Variants in UGT3A1 observed in about 807,000 individuals in gnomAD.
UGT3A1 encodes UDP glycosyltransferase family 3 member A1.
A neutral mutation model predicts 37.6 loss-of-function variants in UGT3A1; 40 were observed. That is an observed-to-expected ratio of 1.06 (90% CI 0.83 to 1.38). The LOEUF (loss-of-function observed/expected upper bound fraction) is 1.38. Ranked by LOEUF, UGT3A1 falls within the 40% of genes most tolerant of loss-of-function variation. UGT3A1 has a pLI of 0.00. For missense variants in UGT3A1, 642 were observed against 634.2 expected (o/e 1.01, Z -0.13); for synonymous variants, 256 against 232.3 (o/e 1.10, Z -0.93).
intron 1 of UGT3A1, among the ~76,000 whole-genome samples, chr5:35,990,691 C>A (rs1740909448): frequency 6.6e-6 from 1 of 152,118 alleles, no homozygotes; most frequent in Non-Finnish European, 1.5e-5. Context: ...ACAACATTTG[C>A]AGTGCTGCCC....
At chr5:35,956,713 T>C (rs10078373) in intron 5 of UGT3A1, among the ~76,000 whole-genome samples, 86,996 of 152,108 alleles carry the variant, frequency 0.57, 25,455 homozygotes, top group African/African-American at 0.66. Flanking sequence ...TGTATGAGTC[T>C]TTCACATCCT....
chr5:35,954,746 G>T, intron 6 of UGT3A1: 1 of 499,966 alleles, frequency 2.0e-6, no homozygotes, highest in South Asian at 2.8e-5. Flanking sequence ...CTAAGAACTA[G>T]TCCATATCCC....
At chr5:35,974,484 A>G (rs1740181171) in intron 2 of UGT3A1, among the ~76,000 whole-genome samples, 1 of 152,192 alleles carries the variant, frequency 6.6e-6, no homozygotes, top group South Asian at 2.1e-4. Context: ...GAGATTTCAA[A>G]GACTAATGCC....
intron 5 of UGT3A1, among the ~76,000 whole-genome samples, chr5:35,956,251 GTGAAAGC>G (rs1739352947): frequency 6.6e-6 from 1 of 152,212 alleles, no homozygotes; most frequent in Non-Finnish European, 1.5e-5. Context: ...GAAGAATGCT[GTGAAAGC>G]AAGGAATAAT....
chr5:35,964,222 A>G (rs1466168262), intron 4 of UGT3A1, among the ~76,000 whole-genome samples: 1 of 152,054 alleles, frequency 6.6e-6, no homozygotes, highest in Non-Finnish European at 1.5e-5. Flanking sequence ...CTTCCTAACA[A>G]TTTCCACAAC....
At chr5:35,969,448 A>G (rs1169259211) in intron 2 of UGT3A1, among the ~76,000 whole-genome samples, 1 of 152,130 alleles carries the variant, frequency 6.6e-6, no homozygotes, top group East Asian at 1.9e-4. Flanking sequence ...AAAGAAACTT[A>G]CAAAGATGAG....
At chr5:35,989,260 T>C (rs951667716) in intron 1 of UGT3A1, among the ~76,000 whole-genome samples, 1 of 152,232 alleles carries the variant, frequency 6.6e-6, no homozygotes, top group East Asian at 1.9e-4. Context: ...GAATCACTGA[T>C]TCTAGGAAAA....
rs961925810 is a variant in UGT3A1, at chr5:35,952,391, G to C, written c.*1811C>G. ...TTTTAAACAGTGAGGGATAACACCA[G>C]ATTTCTAGGTTGTCAGAGCCATGCT... On this transcript the variant is annotated 3_prime_UTR_variant, in exon 7 of 7. Transcript: ENST00000274278. 3 of 152,240 alleles carry C rather than the reference G, an allele frequency of 2.0e-5. No individual in the cohort carries two copies. The highest frequency in any genetic ancestry group is 7.2e-5 in the African/African-American group (3 of 41,452). 9.4% of individuals were successfully genotyped at this position (152,240 alleles called of 1,614,324 possible). A position where few individuals can be genotyped will look rare whatever the true frequency, so the allele number is the denominator to read the frequency against.
rs1023069287 is a variant in UGT3A1 at position 35,951,052 on chromosome 5, A to G, written c.*3150T>C. On this transcript the variant is annotated 3_prime_UTR_variant, in exon 7 of 7. Coordinates refer to ENST00000274278, the MANE Select transcript of UGT3A1 (RefSeq NM_152404.4). ...TTTCTGTTGATTGATTGTATACAGT[A>G]TATAGTAAAAGTACTGTGTTTAAAA... The G allele has an allele frequency of 2.0e-5, 3 of 152,094 alleles. No individual in the cohort carries two copies. Among genetic ancestry groups the G allele is most frequent in the African/African-American group, 7.2e-5 (3 of 41,438 alleles). 9.4% of individuals were successfully genotyped at this position (152,094 alleles called of 1,614,324 possible).
In UGT3A1 at chr5:35,965,706, A is replaced by C; in HGVS notation, c.523T>G (p.Phe175Val). 1 of 1,614,192 alleles carries C rather than the reference A, an allele frequency of 6.2e-7. No individual in the cohort carries two copies. Among genetic ancestry groups the C allele is most frequent in the Non-Finnish European group, 8.5e-7 (1 of 1,180,032 alleles). Residue 175 changes from phenylalanine to valine, a missense_variant, in exon 4 of 7, where the codon TTT becomes GTT. Physicochemically the swap from Phe to Val is conservative, Grantham distance 50. Transcript: ENST00000274278. ...TAAGACAAGGGGCTTGGTAGCCCAA[A>C]ATCCAAAGAGCCGAATGTGGTGGGA... Reference protein sequence around the residue: ...ILPTTFGSLDFGLPSPLSYVP... With the variant: ...ILPTTFGSLDVGLPSPLSYVP...
rs1327352127 is a variant in UGT3A1, at chr5:35,954,350, G to T, written c.1424C>A (p.Ala475Asp). Residue 475 changes from alanine to aspartate, a missense_variant, in exon 7 of 7, where the codon GCC becomes GAC. Coordinates refer to ENST00000274278, the MANE Select transcript of UGT3A1 (RefSeq NM_152404.4). ...CTGCTCATGCCAAGGCTGCTGGAAG[G>T]CATAGGGCTTGAGGTGCGTCGCTCC... ...TGGATHLKPY[A>D]FQQPWHEQYL... The T allele has an allele frequency of 1.9e-6, 3 of 1,614,206 alleles. No individual in the cohort carries two copies. The South Asian group carries it at 3.3e-5, about 18-fold the overall frequency.
upstream of UGT3A1, among the ~76,000 whole-genome samples, chr5:35,995,993 C>G (rs532012858): frequency 3.4e-5 from 5 of 147,728 alleles, no homozygotes; most frequent in African/African-American, 1.3e-4. Flanking sequence ...AACTAGTTAA[C>G]TTAGCTGATC....
chr5:35,981,300 C>G (rs1193169520), intron 2 of UGT3A1, among the ~76,000 whole-genome samples: 2 of 152,172 alleles, frequency 1.3e-5, no homozygotes. Flanking sequence ...TATCCCAGAA[C>G]TCAAATATGA....
chr5:35,988,569 T>C lies in UGT3A1; in HGVS notation c.95-18A>G. On this transcript the variant is annotated intron_variant, in intron 1 of 6. Coordinates refer to ENST00000274278, the MANE Select transcript of UGT3A1 (RefSeq NM_152404.4). ...GCTTCCACCTAGAAACAATGCACAA[T>C]GTCTTTTGTAAAGATGAAAATAGAG... The C allele has an allele frequency of 1.3e-6, 2 of 1,572,350 alleles. No homozygotes were observed. Among genetic ancestry groups the C allele is most frequent in the Non-Finnish European group, 1.7e-6 (2 of 1,152,646 alleles).
At chr5:35,991,111 C>G in intron 1 of UGT3A1, 36 bp downstream of exon 1, 1 of 1,614,098 alleles carries the variant, frequency 6.2e-7, no homozygotes, top group Non-Finnish European at 8.5e-7. Context: ...GGATCCGGGA[C>G]GCGCCTGTCT....
rs191896570 is a variant in UGT3A1 at position 35,985,060 on chromosome 5, G to A, written c.196+3390C>T. On this transcript the variant is annotated intron_variant, in intron 2 of 6. Transcript: ENST00000274278. ...TATTAATGGACTGATGAATCTTACC[G>A]GAAAATAAACATAAAATATAAAAAA... Among the ~76,000 whole-genome samples the A allele has an allele frequency of 7.2e-3, 394 of 54,970 alleles. 3 individuals are homozygous for A. The highest frequency in any genetic ancestry group is 0.05 in the South Asian group (100 of 2,020). 36.1% of individuals were successfully genotyped at this position (54,970 alleles called of 152,430 possible).
chr5:35,982,096 T>C (rs1050467912), intron 2 of UGT3A1, among the ~76,000 whole-genome samples: 1 of 152,196 alleles, frequency 6.6e-6, no homozygotes, highest in Non-Finnish European at 1.5e-5. Context: ...CTCCACCTAG[T>C]TTTCAGAGGA....
chr5:35,966,004 A>G, intron 3 of UGT3A1, 87 bp from the exon 4 acceptor site: 2 of 1,065,590 alleles, frequency 1.9e-6, no homozygotes, highest in Non-Finnish European at 1.3e-6. Flanking sequence ...AAAATATTTC[A>G]GGTATGTTAA....
chr5:35,965,631 G>C lies in UGT3A1; in HGVS notation c.598C>G (p.Arg200Gly), dbSNP rs199958046. 9.9e-6 allele frequency: 16 copies of C among 1,614,096 alleles called. No individual in the cohort carries two copies. Among genetic ancestry groups the C allele is most frequent in the Non-Finnish European group, 1.4e-5 (16 of 1,180,022 alleles). Residue 200 changes from arginine to glycine, a missense_variant, in exon 4 of 7, where the codon CGA (arginine) becomes GGA (glycine). Physicochemically the swap from Arg to Gly is moderately radical, Grantham distance 125 (BLOSUM62 -2). Coordinates refer to ENST00000274278, the MANE Select transcript of UGT3A1 (RefSeq NM_152404.4). ...LLTDHMDFWG[R>G]VKNFLMFFSF... is the part of the protein sequence containing the mutation. ...AAGAACATCAGAAAATTCTTCACTCGGCCCCAGAAGTCCATGTGATCAGTC... is the reference window on the plus strand; with the variant it reads ...AAGAACATCAGAAAATTCTTCACTCCGCCCCAGAAGTCCATGTGATCAGTC...
Sources: allele counts gnomAD v4.1 joint callset (sites outside exome capture counted in the v4.1 genomes callset), GRCh38; gene constraint gnomAD v4.1.1; transcripts MANE v1.5; gene names NCBI Gene and HGNC (gene_info 2026-07-23, HGNC 2026-07-21).